The following AFG2A variants were observed in gnomAD, a reference collection of about 807,000 sequenced individuals.
AFG2A encodes ATPase family gene 2 protein homolog A.
chr4:123,313,906 G>C, the AFG2A span: 1 of 1,596,036 alleles, frequency 6.3e-7, no homozygotes, highest in Non-Finnish European at 8.5e-7. Context: ...TGTCTGCAGA[G>C]AGGCAGCTCT....
chr4:123,215,542 A>G, the AFG2A span, among the ~76,000 whole-genome samples: 8 of 152,128 alleles, frequency 5.3e-5, no homozygotes, highest in African/African-American at 1.4e-4. Context: ...TATCATCAGT[A>G]TATGAGAACA....
At chr4:123,311,041 T>C in the AFG2A span, among the ~76,000 whole-genome samples, 2 of 152,198 alleles carry the variant, frequency 1.3e-5, no homozygotes. Context: ...AGAAGTTCTC[T>C]AGGTCATCCC....
At chr4:123,224,866 G>T in the AFG2A span, among the ~76,000 whole-genome samples, 1 of 152,136 alleles carries the variant, frequency 6.6e-6, no homozygotes, top group African/African-American at 2.4e-5. Context: ...ATCCTCTCCA[G>T]CACCTGTTGT....
At chr4:123,099,529 GA>G in the AFG2A span, among the ~76,000 whole-genome samples, 1 of 144,278 alleles carries the variant, frequency 6.9e-6, no homozygotes, top group African/African-American at 2.5e-5. Flanking sequence ...ATGAGCCACA[GA>G]GTTTTTTTTT....
chr4:123,258,122 C>T, the AFG2A span, among the ~76,000 whole-genome samples: 2 of 152,120 alleles, frequency 1.3e-5, no homozygotes, highest in Non-Finnish European at 2.9e-5. Context: ...GGGAGGGCAT[C>T]CCATTGTGGT....
chr4:122,936,564 G>T, the AFG2A span, among the ~76,000 whole-genome samples: 8 of 152,310 alleles, frequency 5.3e-5, no homozygotes, highest in African/African-American at 1.9e-4. Context: ...AATGACTCTG[G>T]CTGGGTGTGG....
the AFG2A span, among the ~76,000 whole-genome samples, chr4:123,084,846 G>A: frequency 6.6e-5 from 10 of 151,960 alleles, no homozygotes; most frequent in South Asian, 4.2e-4. Flanking sequence ...GCCAAGGCTG[G>A]TCTCAAACTC....
chr4:123,029,702 A>G, the AFG2A span, among the ~76,000 whole-genome samples: 2 of 152,052 alleles, frequency 1.3e-5, no homozygotes, highest in African/African-American at 4.8e-5. Context: ...TAGTGGTGTG[A>G]TTATAGCTCA....
At chr4:123,131,110 GTTGTTTTCTT>G in the AFG2A span, among the ~76,000 whole-genome samples, 1 of 152,020 alleles carries the variant, frequency 6.6e-6, no homozygotes, top group Non-Finnish European at 1.5e-5. Context: ...CTTTCAATGG[GTTGTTTTCTT>G]TACGTATTCT....
At chr4:123,241,698 A>G in the AFG2A span, among the ~76,000 whole-genome samples, 3 of 152,214 alleles carry the variant, frequency 2.0e-5, no homozygotes, top group Admixed American at 2.0e-4. Flanking sequence ...AAAAACTGGA[A>G]GCGTTCCCTT....
chr4:123,102,890 T>C, the AFG2A span, among the ~76,000 whole-genome samples: 3 of 151,692 alleles, frequency 2.0e-5, no homozygotes, highest in East Asian at 5.8e-4. Context: ...AGTTCCTTTA[T>C]GATATACACA....
At chr4:123,008,400 A>C in the AFG2A span, among the ~76,000 whole-genome samples, 1 of 152,192 alleles carries the variant, frequency 6.6e-6, no homozygotes, top group Non-Finnish European at 1.5e-5. Context: ...TGGGGATCAA[A>C]TTTCAGTGAG....
chr4:122,963,839 T>C, the AFG2A span, among the ~76,000 whole-genome samples: 8 of 152,190 alleles, frequency 5.3e-5, no homozygotes, highest in African/African-American at 1.7e-4. Context: ...AGAGTTTTTA[T>C]GCTTTCCATA....
the AFG2A span, among the ~76,000 whole-genome samples, chr4:123,072,632 C>G: frequency 6.6e-6 from 1 of 152,052 alleles, no homozygotes; most frequent in East Asian, 1.9e-4. Flanking sequence ...AGCTGTATAA[C>G]ATAGCTGGAA....
the AFG2A span, among the ~76,000 whole-genome samples, chr4:122,972,540 CTTTT>C: frequency 7.1e-6 from 1 of 141,698 alleles, no homozygotes; most frequent in South Asian, 2.2e-4. Flanking sequence ...GACTGTCAGT[CTTTT>C]TTTTTTTTTA....
chr4:122,955,990 GGA>G, the AFG2A span, among the ~76,000 whole-genome samples: 1 of 152,154 alleles, frequency 6.6e-6, no homozygotes, highest in African/African-American at 2.4e-5. Flanking sequence ...TGAAGAGTCT[GGA>G]TTGCTGTGTA....
chr4:122,927,077 T>C, the AFG2A span, among the ~76,000 whole-genome samples: 1 of 152,184 alleles, frequency 6.6e-6, no homozygotes, highest in South Asian at 2.1e-4. Context: ...TGTTGTTAAC[T>C]GGCCTGAATT....
the AFG2A span, among the ~76,000 whole-genome samples, chr4:123,240,693 A>C: frequency 6.6e-6 from 1 of 152,214 alleles, no homozygotes; most frequent in Non-Finnish European, 1.5e-5. Context: ...AAGATCTAAA[A>C]TTGACACCCT....
At chr4:123,142,595 G>A in the AFG2A span, among the ~76,000 whole-genome samples, 6 of 151,942 alleles carry the variant, frequency 3.9e-5, no homozygotes, top group African/African-American at 1.2e-4. Context: ...CTTGAGATAC[G>A]TTAACTTTGG....
Sources: gnomAD v4.1 joint callset for allele counts (sites outside exome capture counted in the v4.1 genomes callset) on GRCh38, gnomAD v4.1.1 for gene constraint, MANE v1.5 for transcripts, NCBI Gene and HGNC (gene_info 2026-07-23, HGNC 2026-07-21) for gene names.